SIGLEC10: variants seen among roughly 807,000 people sequenced by gnomAD.
SIGLEC10 encodes the protein sialic acid binding Ig like lectin 10.
Under a neutral mutation model 68.3 loss-of-function variants are expected in SIGLEC10, and 45 were observed. That is an observed-to-expected ratio of 0.66 (90% CI 0.52 to 0.84). The LOEUF is 0.84. Among genes scored for constraint, SIGLEC10 ranks in the 40% least tolerant of loss-of-function variants. The pLI is 0.00. For missense variants in SIGLEC10, 789 were observed against 883.1 expected (o/e 0.89, Z 1.35); for synonymous variants, 379 against 370.8 (o/e 1.02, Z -0.26).
At position 51,415,597 on chromosome 19, in the gene SIGLEC10, C is replaced by G; in HGVS notation, c.1043G>C (p.Arg348Thr). 6 of 1,613,952 alleles carry G rather than the reference C, an allele frequency of 3.7e-6. No homozygotes were observed. Among genetic ancestry groups the G allele is most frequent in the Non-Finnish European group, 5.1e-6 (6 of 1,179,850 alleles). Reference protein sequence around the residue: ...LSVQYPPENLRVMVSQANRTV... With the variant: ...LSVQYPPENLTVMVSQANRTV... ...CCTGTTTGCTTGGGAAACCATCACT[C>G]TCAGGTTCTCTGGAGGATCTGAAAT... is the stretch of plus-strand genomic sequence containing the variant. Residue 348 changes from arginine to threonine, a missense_variant, in exon 6 of 11, where the codon AGA becomes ACA. Transcript: ENST00000339313.
chr19:51,417,491 G>T (rs1424491663), intron 1 of SIGLEC10, 26 bp from the exon 2 acceptor site: 1 of 1,613,860 alleles, frequency 6.2e-7, no homozygotes, highest in East Asian at 2.2e-5. Flanking sequence ...GGCTCAACCT[G>T]CAACCCCAGC....
chr19:51,414,224 C>T lies in SIGLEC10; in HGVS notation c.1709+198G>A, dbSNP rs1988294110. ...AACACTTCGCTTGGGGCGTGACTGCCCTCAGCATTCCCTCTGGGAAGCAGA... is the reference window on the plus strand; with the variant it reads ...AACACTTCGCTTGGGGCGTGACTGCTCTCAGCATTCCCTCTGGGAAGCAGA... On this transcript the variant is annotated intron_variant, in intron 9 of 10. Coordinates refer to ENST00000339313, the MANE Select transcript of SIGLEC10 (RefSeq NM_033130.5). This position sits in a 1 kb window ranked among gnomAD's most constrained non-coding sequence, Gnocchi z 4.1. The T allele has an allele frequency of 3.3e-6, 2 of 600,922 alleles. No individual in the cohort carries two copies. Among genetic ancestry groups the T allele is most frequent in the Non-Finnish European group, 5.9e-6 (2 of 338,210 alleles). The allele number at this position is 600,922 out of a possible 1,614,324, so 37.2% of individuals were successfully genotyped here. A position where few individuals can be genotyped will look rare whatever the true frequency, so the allele number is the denominator to read the frequency against.
chr19:51,416,348 C>G lies in SIGLEC10; in HGVS notation c.716G>C (p.Arg239Thr). 6.2e-7 allele frequency: 1 copy of G among 1,613,986 alleles called. No individual in the cohort carries two copies. The highest frequency in any genetic ancestry group is 8.5e-7 in the Non-Finnish European group (1 of 1,179,910). The part of the protein sequence containing the change: ...TVRLRVAYAP[R>T]DLVISISRDN... ...ACGTGAAATGCTGATAACAAGGTCT[C>G]TGGGGGCATCTGCAACAAGATTGTG... The change falls in exon 4 of 11, where the codon AGA becomes ACA. Residue 239 changes from arginine to threonine, a missense_variant. Transcript: ENST00000339313.
rs373698734 is a variant in SIGLEC10, at chr19:51,415,305, G to T, written c.1206C>A (p.Ser402=). 181 of 1,613,918 alleles carry T rather than the reference G, an allele frequency of 1.1e-4. No individual in the cohort carries two copies. The highest frequency in any genetic ancestry group is 1.4e-4 in the Non-Finnish European group (169 of 1,179,978). The change falls in exon 7 of 11, where the codon TCC becomes TCA. Residue 402 remains serine, a synonymous_variant. Coordinates refer to ENST00000339313, the MANE Select transcript of SIGLEC10 (RefSeq NM_033130.5). ...WTQRGQVLSP[S]QPSDPGVLEL... is the part of the protein sequence containing the mutation. ...CCAGGACCCCGGGGTCTGAGGGCTG[G>T]GAGGGGCTCAGAACCTGTCCCCTCT...
In SIGLEC10 at chr19:51,416,370, T is replaced by C; in HGVS notation, c.707-13A>G. ...TCTCTGGGGGCATCTGCAACAAGAT[T>C]GTGAGCTGGCTTCAGGGAGGGACAA... On this transcript the variant is annotated splice_polypyrimidine_tract_variant and intron_variant, in intron 3 of 10. Transcript: ENST00000339313. The C allele has an allele frequency of 6.2e-7, 1 of 1,614,060 alleles. No homozygotes were observed. The highest frequency in any genetic ancestry group is 8.5e-7 in the Non-Finnish European group (1 of 1,179,992).
chr19:51,416,975 A>T, intron 2 of SIGLEC10, 25 bp from the exon 3 acceptor site: 1 of 1,599,556 alleles, frequency 6.3e-7, no homozygotes, highest in Non-Finnish European at 8.5e-7. Context: ...GTGGTGGGAG[A>T]TTCTTGTGCT....
chr19:51,417,305 C>T lies in SIGLEC10; in HGVS notation c.198G>A (p.Glu66=). The T allele has an allele frequency of 6.2e-7, 1 of 1,614,230 alleles. No homozygotes were observed. Among genetic ancestry groups the T allele is most frequent in the Non-Finnish European group, 8.5e-7 (1 of 1,180,036 alleles). The stretch of plus-strand genomic sequence containing the variant: ...TGGCCACAGGAGCACCCTTGGTTGT[C>T]TCAGTCACTGCTTTGAACCAGTAGC... The part of the protein sequence containing the change: ...AYGYWFKAVT[E]TTKGAPVATN... Residue 66 remains glutamate, a synonymous_variant, in exon 2 of 11, where the codon GAG becomes GAA. Transcript: ENST00000339313.
intron 2 of SIGLEC10, 52 bp downstream of exon 2, chr19:51,417,030 C>T: frequency 7.5e-6 from 12 of 1,599,842 alleles, no homozygotes; most frequent in Admixed American, 1.7e-5. Flanking sequence ...ATAGGCTGTC[C>T]CCAGGGTCCC....
chr19:51,416,167 G>A lies in SIGLEC10; in HGVS notation c.755C>T (p.Ala252Val). 6.2e-7 allele frequency: 1 copy of A among 1,607,716 alleles called. No homozygotes were observed. Among genetic ancestry groups the A allele is most frequent in the East Asian group, 2.2e-5 (1 of 44,792 alleles). ...ATTTCCCTGGGGCTGGGGCTCCAGGGCTGGAGTGGGAGGAAAAAAAAAAAA... is the reference window on the plus strand; with the variant it reads ...ATTTCCCTGGGGCTGGGGCTCCAGGACTGGAGTGGGAGGAAAAAAAAAAAA... ...VISISRDNTPALEPQPQGNVP... is the reference protein window; with the variant it reads ...VISISRDNTPVLEPQPQGNVP... Residue 252 changes from alanine to valine, a missense_variant and splice_region_variant, in exon 5 of 11, where the codon GCC becomes GTC. Transcript: ENST00000339313.
In SIGLEC10 at chr19:51,414,739, A is replaced by T; in HGVS notation, c.1615+85T>A. On this transcript the variant is annotated intron_variant, in intron 8 of 10. Coordinates refer to ENST00000339313, the MANE Select transcript of SIGLEC10 (RefSeq NM_033130.5). The surrounding 1 kb of genome is among the most constrained non-coding windows in gnomAD (Gnocchi z 4.1). ...GCCACGGGTCTGCTGTGTCCCTCCA[A>T]GCTCCTGCTCCAACCACAGGACCCT... 6.3e-7 allele frequency: 1 copy of T among 1,585,912 alleles called. No homozygotes were observed. The highest frequency in any genetic ancestry group is 8.6e-7 in the Non-Finnish European group (1 of 1,166,260).
intron 2 of SIGLEC10, 40 bp downstream of exon 2, chr19:51,417,042 C>G: frequency 1.2e-6 from 2 of 1,604,366 alleles, no homozygotes; most frequent in Non-Finnish European, 1.7e-6. Context: ...CAGGGTCCCT[C>G]CCCAGTGTGA....
chr19:51,411,539 A>T (rs1191506765), intron 10 of SIGLEC10, among the ~76,000 whole-genome samples, 168 bp from the exon 11 acceptor site: 1 of 152,238 alleles, frequency 6.6e-6, no homozygotes, highest in East Asian at 1.9e-4. Context: ...TAGCAAAAGT[A>T]CAATGACTGG....
intron 10 of SIGLEC10, among the ~76,000 whole-genome samples, chr19:51,412,406 G>T (rs1478435978): frequency 6.6e-6 from 1 of 152,042 alleles, no homozygotes; most frequent in Non-Finnish European, 1.5e-5. Context: ...TGATTCTAAA[G>T]CTTTAGACTT....
chr19:51,417,443 T>C lies in SIGLEC10; in HGVS notation c.60A>G (p.Arg20=). ...CTGACTCCTGCACTCGTATCCAGAA[T>C]CTCCCATCCATAGCCTGGGACCCTG... ...LLGGSQAMDG[R]FWIRVQESVM... is the part of the protein sequence containing the mutation. Residue 20 remains arginine (R), a synonymous_variant, in exon 2 of 11, where the codon AGA becomes AGG. Coordinates refer to ENST00000339313, the MANE Select transcript of SIGLEC10 (RefSeq NM_033130.5). The C allele has an allele frequency of 6.2e-7, 1 of 1,613,720 alleles. No individual in the cohort carries two copies. The highest frequency in any genetic ancestry group is 8.5e-7 in the Non-Finnish European group (1 of 1,179,698).
chr19:51,415,489 T>G (rs1261635463), intron 6 of SIGLEC10, 51 bp from the exon 7 acceptor site: 2 of 1,613,574 alleles, frequency 1.2e-6, no homozygotes, highest in African/African-American at 1.3e-5. Context: ...TCAGGGACCC[T>G]CCTGCGTGGG....
rs748496013 is a variant in SIGLEC10, at chr19:51,411,089, T to C, written c.*10A>G. 8.1e-6 allele frequency: 13 copies of C among 1,611,470 alleles called. No individual in the cohort carries two copies. Among genetic ancestry groups the C allele is most frequent in the Middle Eastern group, 1.6e-4 (1 of 6,072 alleles). The stretch of plus-strand genomic sequence containing the variant: ...TAGCCGAAGTCCCAGTCCTAAAGCC[T>C]AAGAGACCCTCATTGGAACTTGACT... On this transcript the variant is annotated 3_prime_UTR_variant, in exon 11 of 11. Coordinates refer to ENST00000339313, the MANE Select transcript of SIGLEC10 (RefSeq NM_033130.5).
intron 2 of SIGLEC10, 50 bp downstream of exon 2, chr19:51,417,032 C>G (rs373987656): frequency 6.2e-7 from 1 of 1,600,700 alleles, no homozygotes; most frequent in African/African-American, 1.3e-5. Flanking sequence ...AGGCTGTCCC[C>G]AGGGTCCCTC....
rs1987937020 is a variant in SIGLEC10, at chr19:51,410,964, A to G, written c.*135T>C. ...GTGCCCTGGCCAGATGTTTTTTTAA[A>G]AGAGAGAGAAAGAGAGAGAGAGAGA... On this transcript the variant is annotated 3_prime_UTR_variant, in exon 11 of 11. Transcript: ENST00000339313. 1 of 1,072,650 alleles carries G rather than the reference A, an allele frequency of 9.3e-7. No individual in the cohort carries two copies. The highest frequency in any genetic ancestry group is 1.6e-5 in the South Asian group (1 of 62,282). The allele number at this position is 1,072,650 out of a possible 1,614,324, so 66.4% of individuals were successfully genotyped here.
Position 51,417,182 on chromosome 19 carries a change from GTC to G in SIGLEC10, c.319_320del (p.Asp107ArgfsTer6), listed in dbSNP as rs763447780. ...AKGNCSLVIR[D>X]AQMQDESQYF... ...ACTGTGACTCATCCTGCATCTGCGCGTCTCTGATCACCAAGGAGCAGTTCCCC... is the reference window on the plus strand; with the variant it reads ...ACTGTGACTCATCCTGCATCTGCGCGTCTGATCACCAAGGAGCAGTTCCCC... On this transcript the variant is annotated frameshift_variant, in exon 2 of 11. Transcript: ENST00000339313. LOFTEE classifies it high-confidence loss of function. 1.2e-6 allele frequency: 2 copies of G among 1,614,186 alleles called. No individual in the cohort carries two copies. The highest frequency in any genetic ancestry group is 1.7e-6 in the Non-Finnish European group (2 of 1,180,022).
Sources: gnomAD v4.1 joint callset for allele counts (sites outside exome capture counted in the v4.1 genomes callset) on GRCh38, gnomAD v4.1.1 for gene constraint, Gnocchi (gnomAD v3.1) non-coding constraint, MANE v1.5 for transcripts, NCBI Gene and HGNC (gene_info 2026-07-23, HGNC 2026-07-21) for gene names.